Variants in TTC13 observed in about 807,000 individuals in gnomAD.
TTC13 encodes the protein tetratricopeptide repeat domain 13, also known as tetratricopeptide repeat protein 13.
TTC13 carries 62 observed loss-of-function variants against 120.0 expected under a neutral mutation model. The observed-to-expected ratio is 0.52, with a 90% CI of 0.42 to 0.64. The LOEUF is 0.64. Among genes scored for constraint, TTC13 ranks in the 30% least tolerant of loss-of-function variants. The pLI is 0.00. For missense variants in TTC13, 824 were observed against 1,050.2 expected, an observed-to-expected ratio of 0.78 and a Z score of 2.98; for synonymous variants, 384 against 393.5, an observed-to-expected ratio of 0.98 and a Z score of 0.28.
intron 8 of TTC13, among the ~76,000 whole-genome samples, chr1:230,938,231 G>C (rs1033352231): frequency 6.6e-6 from 1 of 152,140 alleles, no homozygotes; most frequent in Non-Finnish European, 1.5e-5. Flanking sequence ...TTGCTTTTTG[G>C]CTGTGCAGGC....
intron 9 of TTC13, among the ~76,000 whole-genome samples, chr1:230,932,989 T>A (rs1046321382): frequency 6.6e-6 from 1 of 152,162 alleles, no homozygotes; most frequent in African/African-American, 2.4e-5. Flanking sequence ...TTTTCCTGTT[T>A]TGAGATAGAG....
At position 230,944,165 on chromosome 1, in the gene TTC13, A is replaced by T. The variant is rs1674772092; in HGVS notation, c.580-267T>A. Among the ~76,000 whole-genome samples, 1 of 152,190 alleles carries T rather than the reference A, an allele frequency of 6.6e-6. No individual in the cohort carries two copies. The highest frequency in any genetic ancestry group is 6.5e-5 in the Admixed American group (1 of 15,276). On this transcript the variant is annotated intron_variant, in intron 5 of 22. Coordinates refer to ENST00000366661, the MANE Select transcript of TTC13 (RefSeq NM_024525.5). This position sits in a 1 kb window ranked among gnomAD's most constrained non-coding sequence, Gnocchi z 4.0. ...TTCCACAGATGGCAGGATATTATCT[A>T]AACTTAATCTACTTAAACATGGAAT...
Position 230,954,412 on chromosome 1 carries a change from C to A in TTC13, c.443-9G>T. ...CAAGACATAAGCAATAGCTATGAAA[C>A]AAAATACAAAAATATTAAAGGAAAG... On this transcript the variant is annotated splice_polypyrimidine_tract_variant and intron_variant, in intron 3 of 22. Coordinates refer to ENST00000366661, the MANE Select transcript of TTC13 (RefSeq NM_024525.5). The A allele has an allele frequency of 6.3e-7, 1 of 1,595,120 alleles. No homozygotes were observed. Among genetic ancestry groups the A allele is most frequent in the Non-Finnish European group, 8.6e-7 (1 of 1,166,594 alleles).
At chr1:230,917,110 G>T (rs1468636677) in intron 17 of TTC13, among the ~76,000 whole-genome samples, 1 of 152,076 alleles carries the variant, frequency 6.6e-6, no homozygotes, top group African/African-American at 2.4e-5. Flanking sequence ...GTCACCAGCA[G>T]CCCAGAAGCC....
At chr1:230,961,018 C>T (rs1187999009) in intron 2 of TTC13, among the ~76,000 whole-genome samples, 191 bp downstream of exon 2, 2 of 152,176 alleles carry the variant, frequency 1.3e-5, no homozygotes, top group Non-Finnish European at 2.9e-5. Context: ...AGTTCTATGT[C>T]CAGAATAATC....
intron 1 of TTC13, among the ~76,000 whole-genome samples, chr1:230,961,774 A>G (rs1224112701): frequency 6.6e-6 from 1 of 152,196 alleles, no homozygotes; most frequent in Non-Finnish European, 1.5e-5. Flanking sequence ...GAGTACTAGT[A>G]CAATGCTTGT....
intron 8 of TTC13, among the ~76,000 whole-genome samples, chr1:230,937,878 C>T (rs1405226487): frequency 6.6e-6 from 1 of 152,224 alleles, no homozygotes; most frequent in Non-Finnish European, 1.5e-5. Context: ...GAAGGAGAAA[C>T]TGATTGCCCA....
In TTC13 at chr1:230,931,311, T is replaced by C; in HGVS notation, c.1287A>G (p.Val429=). ...TTTCTGACTTACCTCGGAGATACTT[T>C]ACTTTAAGATACTCAGGGCTAGCCT... ...GQKASPEYLK[V]KYLREYSRYL... Residue 429 remains valine, a synonymous_variant, in exon 11 of 23, where the codon GTA becomes GTG. Coordinates refer to ENST00000366661, the MANE Select transcript of TTC13 (RefSeq NM_024525.5). 1 of 1,613,508 alleles carries C rather than the reference T, an allele frequency of 6.2e-7. No individual in the cohort carries two copies. Among genetic ancestry groups the C allele is most frequent in the East Asian group, 2.2e-5 (1 of 44,874 alleles).
intron 1 of TTC13, among the ~76,000 whole-genome samples, chr1:230,977,003 G>T (rs1316656080): frequency 2.6e-5 from 4 of 152,224 alleles, no homozygotes; most frequent in Non-Finnish European, 5.9e-5. Context: ...AAATACTTCA[G>T]ATGTGGTTTG....
chr1:230,924,426 G>C (rs1672867549), intron 14 of TTC13, among the ~76,000 whole-genome samples: 1 of 152,122 alleles, frequency 6.6e-6, no homozygotes, highest in Non-Finnish European at 1.5e-5. Context: ...TCCGCCTCCT[G>C]GGTTCACGCC....
chr1:230,960,172 T>C (rs1423523856), intron 2 of TTC13, among the ~76,000 whole-genome samples: 2 of 152,184 alleles, frequency 1.3e-5, no homozygotes, highest in Non-Finnish European at 2.9e-5. Flanking sequence ...AATGGATCAA[T>C]AAATGAATAG....
intron 15 of TTC13, among the ~76,000 whole-genome samples, chr1:230,922,466 A>G (rs1672667356): frequency 6.6e-6 from 1 of 152,160 alleles, no homozygotes; most frequent in Non-Finnish European, 1.5e-5. Context: ...CTCTGCTTAT[A>G]ATCCCTGAAT....
chr1:230,968,334 A>AG (rs149182515), intron 1 of TTC13, among the ~76,000 whole-genome samples: 27,931 of 150,480 alleles, frequency 0.19, 2,747 homozygotes, highest in South Asian at 0.33. Flanking sequence ...TCTTTTTTTA[A>AG]AAAAACAACC....
chr1:230,914,299 T>A (rs923853577), intron 18 of TTC13, among the ~76,000 whole-genome samples: 1 of 152,156 alleles, frequency 6.6e-6, no homozygotes, highest in Admixed American at 6.5e-5. Flanking sequence ...CGTATCCTCC[T>A]CCTCAGCCTA....
intron 15 of TTC13, among the ~76,000 whole-genome samples, chr1:230,923,558 A>G (rs1672784475): frequency 6.6e-6 from 1 of 152,212 alleles, no homozygotes. Flanking sequence ...AAGACTCCTT[A>G]AAGACTGACG....
At chr1:230,921,313 A>G (rs1361266158) in intron 16 of TTC13, 108 bp downstream of exon 16, 1 of 635,438 alleles carries the variant, frequency 1.6e-6, no homozygotes, top group East Asian at 3.1e-5. Context: ...AATTTGATAG[A>G]CCTTGTTTAG....
At chr1:230,949,527 C>T (rs1301703205) in intron 4 of TTC13, among the ~76,000 whole-genome samples, 1 of 151,216 alleles carries the variant, frequency 6.6e-6, no homozygotes, top group African/African-American at 2.4e-5. Context: ...CACAGAGGCC[C>T]TCGCACGGGC....
chr1:230,916,614 T>C (rs565563028), intron 17 of TTC13, among the ~76,000 whole-genome samples: 2 of 152,340 alleles, frequency 1.3e-5, no homozygotes, highest in South Asian at 2.1e-4. Flanking sequence ...TTTTCTCATG[T>C]CCATCTTAGT....
intron 1 of TTC13, among the ~76,000 whole-genome samples, chr1:230,969,647 G>A (rs1021551335): frequency 6.6e-6 from 1 of 152,184 alleles, no homozygotes; most frequent in Non-Finnish European, 1.5e-5. Flanking sequence ...CAATGTAACA[G>A]TGGCTCAGGG....
Sources: allele counts gnomAD v4.1 joint callset (sites outside exome capture counted in the v4.1 genomes callset), GRCh38; gene constraint gnomAD v4.1.1; non-coding constraint Gnocchi (gnomAD v3.1); transcripts MANE v1.5; gene names NCBI Gene and HGNC (gene_info 2026-07-23, HGNC 2026-07-21).